Variants in MAPK10 observed in about 807,000 individuals in gnomAD.
MAPK10 encodes the protein mitogen-activated protein kinase 10, also known as JNK3 alpha protein kinase.
Under a neutral mutation model 59.3 loss-of-function variants are expected in MAPK10, and 25 were observed. The ratio of observed to expected loss-of-function variants is 0.42; its 90% confidence interval spans 0.31 to 0.59. The LOEUF (loss-of-function observed/expected upper bound fraction) is 0.59. MAPK10 is among the 20% of genes least tolerant of loss of function. The probability of loss-of-function intolerance (pLI) is 0.15; values close to 1 mark genes in which losing one functional copy is unlikely to be tolerated. For synonymous variants in MAPK10, 190 were observed against 200.5 expected (o/e 0.95, Z 0.44); for missense variants, 351 against 568.9 (o/e 0.62, Z 3.90).
At chr4:86,528,305 T>C (rs543518814) in intron 1 of MAPK10, among the ~76,000 whole-genome samples, 2 of 152,250 alleles carry the variant, frequency 1.3e-5, no homozygotes, top group African/African-American at 2.4e-5. Context: ...TAGATGACTA[T>C]TGGAAGTTTT....
At chr4:86,317,713 A>G (rs115993238) in intron 2 of MAPK10, among the ~76,000 whole-genome samples, 2,424 of 152,330 alleles carry the variant, frequency 0.016, 65 homozygotes, top group African/African-American at 0.054. Flanking sequence ...TCCAGGCTAC[A>G]TAAGGATGCC....
At position 86,134,933 on chromosome 4, in the gene MAPK10, C is replaced by G. The variant is rs963901886; in HGVS notation, c.236+24365G>C. Among the ~76,000 whole-genome samples the G allele has an allele frequency of 4.1e-4, 63 of 152,266 alleles. 3 individuals carry two copies. Among genetic ancestry groups the G allele is most frequent in the Admixed American group, 2.0e-3 (30 of 15,306 alleles). On this transcript the variant is annotated intron_variant, in intron 4 of 13. Transcript: ENST00000641462. ...CAAAGAAAGGGGTGACGGATGGCAC[C>G]TGGAAAATCGGGTCACTCCCACCTG...
chr4:86,579,941 G>A (rs1017928521), intron 1 of MAPK10, among the ~76,000 whole-genome samples: 1 of 151,930 alleles, frequency 6.6e-6, no homozygotes, highest in African/African-American at 2.4e-5. Flanking sequence ...AGCCTCCCAA[G>A]TAGTTGGGAC....
At chr4:86,212,247 G>T (rs1346285313) in intron 2 of MAPK10, among the ~76,000 whole-genome samples, 2 of 152,098 alleles carry the variant, frequency 1.3e-5, no homozygotes, top group Admixed American at 6.5e-5. Flanking sequence ...TCAGAGGATG[G>T]AAAAATATAT....
intron 1 of MAPK10, among the ~76,000 whole-genome samples, chr4:86,543,279 C>G (rs548347167): frequency 3.3e-5 from 5 of 152,260 alleles, no homozygotes; most frequent in African/African-American, 1.2e-4. Context: ...AAAACTATGA[C>G]CTCATCAAAC....
intron 9 of MAPK10, among the ~76,000 whole-genome samples, chr4:86,085,079 C>T (rs2051480075): frequency 6.6e-6 from 1 of 152,134 alleles, no homozygotes; most frequent in African/African-American, 2.4e-5. Flanking sequence ...TATCTCTCAC[C>T]ATATACAAAG....
intron 1 of MAPK10, among the ~76,000 whole-genome samples, chr4:86,565,770 AT>A (rs147282187): frequency 0.047 from 7,119 of 152,166 alleles, 220 homozygotes; most frequent in African/African-American, 0.059. Flanking sequence ...ACAGCTTATC[AT>A]TTTTTTGCAG....
At position 86,011,587 on chromosome 4, in the gene MAPK10, C is replaced by T. The variant is rs1425944020; in HGVS notation, c.*5641G>A. On this transcript the variant is annotated 3_prime_UTR_variant, in exon 14 of 14. Transcript: ENST00000641462. ...GGAATGCACCAATAACTCCTTCTGA[C>T]TCTTTAAGAGCAATCATCTTGTGGA... 1 of 152,166 alleles carries T rather than the reference C, an allele frequency of 6.6e-6. No homozygotes were observed. Among genetic ancestry groups the T allele is most frequent in the Non-Finnish European group, 1.5e-5 (1 of 68,024 alleles). The allele number at this position is 152,166 out of a possible 1,614,324, so 9.4% of individuals were successfully genotyped here.
chr4:86,201,075 C>T (rs1272038689), intron 2 of MAPK10, among the ~76,000 whole-genome samples: 1 of 151,876 alleles, frequency 6.6e-6, no homozygotes, highest in Non-Finnish European at 1.5e-5. Flanking sequence ...TTAGTTCCCA[C>T]ATATGAGTGA....
chr4:86,501,114 GAAAAAAAAAA>G (rs11341561), intron 1 of MAPK10, among the ~76,000 whole-genome samples: 6 of 87,862 alleles, frequency 6.8e-5, no homozygotes, highest in South Asian at 5.6e-4. Flanking sequence ...TCTACGATCT[GAAAAAAAAAA>G]AAAAAAAAAA....
At position 86,316,897 on chromosome 4, in the gene MAPK10, T is replaced by C. The variant is rs545516079; in HGVS notation, c.-7+37633A>G. On this transcript the variant is annotated intron_variant, in intron 2 of 13. Coordinates refer to ENST00000641462, the MANE Select transcript of MAPK10 (RefSeq NM_138982.4). ...CCACCTTATGCTTCAGATTTTATCA[T>C]TTTTCATGAGAGGGATTTTTTAATG... 1.0e-3 allele frequency among the ~76,000 whole-genome samples: 130 copies of C among 125,784 alleles called. No individual in the cohort carries two copies. The Middle Eastern group carries it at 0.016, about 15-fold the overall frequency. The allele number at this position is 125,784 out of a possible 152,430, so 82.5% of individuals were successfully genotyped here. A position where few individuals can be genotyped will look rare whatever the true frequency, so the allele number is the denominator to read the frequency against.
intron 1 of MAPK10, among the ~76,000 whole-genome samples, chr4:86,379,770 A>G (rs1185177782): frequency 6.6e-6 from 1 of 152,202 alleles, no homozygotes; most frequent in Admixed American, 6.5e-5. Context: ...CTTGCTGTCA[A>G]TAAATACATG....
chr4:86,339,713 T>C (rs1207108404), intron 2 of MAPK10, among the ~76,000 whole-genome samples: 1 of 152,212 alleles, frequency 6.6e-6, no homozygotes, highest in Non-Finnish European at 1.5e-5. Flanking sequence ...ATGGCACCTA[T>C]CTCTTTGGAG....
chr4:86,211,960 G>A (rs1466373945), intron 2 of MAPK10, among the ~76,000 whole-genome samples: 1 of 151,730 alleles, frequency 6.6e-6, no homozygotes, highest in African/African-American at 2.4e-5. Flanking sequence ...CTATACAAAA[G>A]AAAATCAGAA....
intron 1 of MAPK10, among the ~76,000 whole-genome samples, chr4:86,545,373 G>A (rs957582704): frequency 2.0e-5 from 3 of 152,156 alleles, no homozygotes; most frequent in Non-Finnish European, 4.4e-5. Flanking sequence ...ACAGAATAAA[G>A]ACGGCATTTT....
intron 11 of MAPK10, among the ~76,000 whole-genome samples, chr4:86,043,056 G>A (rs536467140): frequency 1.7e-3 from 252 of 152,192 alleles, no homozygotes; most frequent in Middle Eastern, 6.8e-3. Context: ...TTAATATGTT[G>A]ATTTTGCAAT....
Position 86,012,376 on chromosome 4 carries a change from A to G in MAPK10, c.*4852T>C, listed in dbSNP as rs1403382348. On this transcript the variant is annotated 3_prime_UTR_variant, in exon 14 of 14. Transcript: ENST00000641462. The stretch of plus-strand genomic sequence containing the variant: ...TTTTACCAGTTGCCAAAATGAAATC[A>G]TGACACCCTTCAGAGCTACTGTCGT... 1 of 152,222 alleles carries G rather than the reference A, an allele frequency of 6.6e-6. No homozygotes were observed. The highest frequency in any genetic ancestry group is 1.5e-5 in the Non-Finnish European group (1 of 68,032). The allele number at this position is 152,222 out of a possible 1,614,324, so 9.4% of individuals were successfully genotyped here.
rs1215730341 is a variant in MAPK10, at chr4:86,029,253, A to G, written c.1196T>C (p.Met399Thr). Reference protein sequence around the residue: ...EWKELIYKEVMNSEEKTKNGV... With the variant: ...EWKELIYKEVTNSEEKTKNGV... The stretch of plus-strand genomic sequence containing the variant: ...ATTTTTAGTCTTTTCTTCTGAATTC[A>G]TTACTTCCTTGTAGATAAGTTCTGT... The change falls in exon 13 of 14, where the codon ATG (methionine) becomes ACG (threonine). Residue 399 changes from methionine (M) to threonine (T), a missense_variant. Around this residue, in one of 5 missense-constraint regions of MAPK10, gnomAD observed 155 missense variants for 204.2 expected, o/e 0.76. Coordinates refer to ENST00000641462, the MANE Select transcript of MAPK10 (RefSeq NM_138982.4). 6.2e-7 allele frequency: 1 copy of G among 1,609,728 alleles called. No individual in the cohort carries two copies. Among genetic ancestry groups the G allele is most frequent in the Non-Finnish European group, 8.5e-7 (1 of 1,176,566 alleles).
intron 11 of MAPK10, among the ~76,000 whole-genome samples, chr4:86,054,568 T>C (rs1052777872): frequency 6.6e-6 from 1 of 152,206 alleles, no homozygotes; most frequent in Non-Finnish European, 1.5e-5. Context: ...TTGATTTAAC[T>C]TTCCCCAAGC....
Sources: allele counts gnomAD v4.1 joint callset (sites outside exome capture counted in the v4.1 genomes callset), GRCh38; gene constraint gnomAD v4.1.1; regional missense constraint gnomAD v4.1.1; transcripts MANE v1.5; gene names NCBI Gene and HGNC (gene_info 2026-07-23, HGNC 2026-07-21).